The following NECAB1 variants were observed in gnomAD, a reference collection of about 807,000 sequenced individuals.
NECAB1 encodes the protein N-terminal EF-hand calcium-binding protein 1.
NECAB1 carries 29 observed loss-of-function variants against 57.5 expected under a neutral mutation model. That is an observed-to-expected ratio of 0.50 (90% confidence interval 0.38 to 0.69). The LOEUF is 0.69. NECAB1 is among the 30% of genes least tolerant of loss of function. The pLI, the probability that NECAB1 is intolerant of heterozygous loss-of-function variation, is 0.00. For missense variants in NECAB1, 372 were observed against 413.8 expected (o/e 0.90, Z 0.88); for synonymous variants, 142 against 147.7 (o/e 0.96, Z 0.28).
intron 9 of NECAB1, 182 bp from the exon 10 acceptor site, chr8:90,940,604 T>C (rs1320756624): frequency 1.9e-6 from 1 of 522,194 alleles, no homozygotes; most frequent in Admixed American, 3.1e-5. Flanking sequence ...GCAAGGAAAA[T>C]ATCTTGCCTA....
At position 90,925,545 on chromosome 8, in the gene NECAB1, G is replaced by C; in HGVS notation, c.505G>C (p.Ala169Pro). 10 of 1,612,612 alleles carry C rather than the reference G, an allele frequency of 6.2e-6. No homozygotes were observed. Among genetic ancestry groups the C allele is most frequent in the Non-Finnish European group, 8.5e-6 (10 of 1,179,370 alleles). The change falls in exon 7 of 13, where the codon GCC becomes CCC. Residue 169 changes from alanine (A) to proline (P), a missense_variant. Coordinates refer to ENST00000417640, the MANE Select transcript of NECAB1 (RefSeq NM_022351.5). ...EQTRQERQGP[A>P]KPEVLSIQWP... Reference sequence around the variant, plus strand: ...TCTCTGTTGATCAAGGCAAGGGCCAGCCAAGCCAGAAGTCCTGTCGATTCA... The same window carrying C: ...TCTCTGTTGATCAAGGCAAGGGCCACCCAAGCCAGAAGTCCTGTCGATTCA...
At chr8:90,886,977 T>C (rs1240936815) in intron 5 of NECAB1, among the ~76,000 whole-genome samples, 1 of 152,200 alleles carries the variant, frequency 6.6e-6, no homozygotes, top group Admixed American at 6.5e-5. Flanking sequence ...TATATTTTTG[T>C]TGTTTTATAA....
intron 6 of NECAB1, among the ~76,000 whole-genome samples, chr8:90,917,895 T>G (rs1173153098): frequency 7.8e-6 from 1 of 128,952 alleles, no homozygotes; most frequent in Non-Finnish European, 1.6e-5. Flanking sequence ...TGTATATATA[T>G]GTCTGTGTGT....
At chr8:90,924,951 AGT>A (rs2130162847) in intron 6 of NECAB1, among the ~76,000 whole-genome samples, 2 of 151,716 alleles carry the variant, frequency 1.3e-5, no homozygotes, top group East Asian at 3.9e-4. Context: ...TACTGTATAT[AGT>A]ATATAAGATA....
At chr8:90,874,829 T>C (rs1031174658) in intron 4 of NECAB1, among the ~76,000 whole-genome samples, 1 of 152,220 alleles carries the variant, frequency 6.6e-6, no homozygotes, top group African/African-American at 2.4e-5. Flanking sequence ...GAATGGTAGA[T>C]TCCCAAACAT....
intron 7 of NECAB1, among the ~76,000 whole-genome samples, chr8:90,925,892 A>G (rs1810254948): frequency 6.6e-6 from 1 of 152,190 alleles, no homozygotes; most frequent in Non-Finnish European, 1.5e-5. Context: ...AGAGATGGTG[A>G]ATAGGGAAGG....
At chr8:90,847,854 G>T (rs1812598476) in intron 3 of NECAB1, among the ~76,000 whole-genome samples, 1 of 152,182 alleles carries the variant, frequency 6.6e-6, no homozygotes, top group South Asian at 2.1e-4. Context: ...GGGCCTCTGG[G>T]TCCAGCCCAC....
At chr8:90,795,202 A>G (rs1811640188) in intron 1 of NECAB1, among the ~76,000 whole-genome samples, 1 of 152,238 alleles carries the variant, frequency 6.6e-6, no homozygotes, top group Non-Finnish European at 1.5e-5. Context: ...CTTTTGAGTC[A>G]TTACATTAAT....
intron 6 of NECAB1, among the ~76,000 whole-genome samples, chr8:90,917,940 G>C (rs1309658726): frequency 4.9e-5 from 2 of 40,764 alleles, no homozygotes; most frequent in Non-Finnish European, 7.1e-5. Flanking sequence ...ATGTGTATGT[G>C]TGTATATATA....
At chr8:90,838,013 C>A (rs540177077) in intron 3 of NECAB1, among the ~76,000 whole-genome samples, 1 of 152,040 alleles carries the variant, frequency 6.6e-6, no homozygotes, top group Non-Finnish European at 1.5e-5. Flanking sequence ...CTGGTTGGCT[C>A]ATAAAAATTC....
chr8:90,946,656 T>C (rs1810810248), intron 10 of NECAB1, among the ~76,000 whole-genome samples: 1 of 152,194 alleles, frequency 6.6e-6, no homozygotes. Flanking sequence ...TTCTGGCTCT[T>C]CACCAGATGG....
At position 90,791,996 on chromosome 8, in the gene NECAB1, A is replaced by T; in HGVS notation, c.99+11A>T. 1.3e-6 allele frequency: 2 copies of T among 1,549,562 alleles called. No homozygotes were observed. The highest frequency in any genetic ancestry group is 1.7e-6 in the Non-Finnish European group (2 of 1,145,278). On this transcript the variant is annotated intron_variant, in intron 1 of 12. Coordinates refer to ENST00000417640, the MANE Select transcript of NECAB1 (RefSeq NM_022351.5). The stretch of plus-strand genomic sequence containing the variant: ...TCGATCTTCCTCGACGTAAGTACAG[A>T]TGGTGGGAGCTGGGCGGTTGCTTCC...
chr8:90,810,041 A>T (rs543286855), intron 2 of NECAB1, among the ~76,000 whole-genome samples: 1 of 152,216 alleles, frequency 6.6e-6, no homozygotes, highest in Non-Finnish European at 1.5e-5. Flanking sequence ...AATCTGAGAC[A>T]TAGGGAACTC....
intron 6 of NECAB1, 129 bp from the exon 7 acceptor site, chr8:90,925,406 C>A: frequency 2.1e-6 from 2 of 948,522 alleles, no homozygotes; most frequent in African/African-American, 1.7e-5. Context: ...CATTTACAAG[C>A]AGTCATTCTC....
intron 4 of NECAB1, among the ~76,000 whole-genome samples, chr8:90,876,861 A>G (rs547105713): frequency 2.6e-4 from 39 of 152,332 alleles, no homozygotes; most frequent in African/African-American, 9.4e-4. Flanking sequence ...ACACATTTCC[A>G]TAAGTGCAAT....
intron 9 of NECAB1, among the ~76,000 whole-genome samples, chr8:90,936,964 A>C (rs1471915086): frequency 6.6e-6 from 1 of 152,182 alleles, no homozygotes; most frequent in Non-Finnish European, 1.5e-5. Flanking sequence ...ACTGAGAAAG[A>C]ATTAAGTAAC....
intron 5 of NECAB1, among the ~76,000 whole-genome samples, chr8:90,894,736 C>G (rs1374024693): frequency 2.6e-5 from 4 of 152,184 alleles, no homozygotes; most frequent in Non-Finnish European, 5.9e-5. Flanking sequence ...TTTCTTACAA[C>G]AACAACCAAA....
intron 3 of NECAB1, 169 bp downstream of exon 3, chr8:90,824,994 T>C (rs1412968063): frequency 2.7e-6 from 1 of 377,254 alleles, no homozygotes; most frequent in East Asian, 3.9e-5. Context: ...CTCTGAAAAA[T>C]TGACTTTGAA....
rs781568824 is a variant in NECAB1, at chr8:90,791,930, C to G, written c.44C>G (p.Ser15Trp). The change falls in exon 1 of 13, where the codon TCG (serine) becomes TGG (tryptophan). Residue 15 changes from serine to tryptophan, a missense_variant. Ser to Trp is a radical substitution (Grantham distance 177). Coordinates refer to ENST00000417640, the MANE Select transcript of NECAB1 (RefSeq NM_022351.5). The part of the protein sequence containing the change: ...QETSPSSNNS[S>W]EELSSALHLS... Reference sequence around the variant, plus strand: ...ACATCGCCGTCCTCCAACAACTCCTCGGAGGAGCTCAGCTCTGCTCTGCAC... The same window carrying G: ...ACATCGCCGTCCTCCAACAACTCCTGGGAGGAGCTCAGCTCTGCTCTGCAC... 5 of 1,552,604 alleles carry G rather than the reference C, an allele frequency of 3.2e-6. No individual in the cohort carries two copies. Among genetic ancestry groups the G allele is most frequent in the Non-Finnish European group, 4.4e-6 (5 of 1,147,564 alleles).
Sources: gnomAD v4.1 joint callset for allele counts (sites outside exome capture counted in the v4.1 genomes callset) on GRCh38, gnomAD v4.1.1 for gene constraint, MANE v1.5 for transcripts, NCBI Gene and HGNC (gene_info 2026-07-23, HGNC 2026-07-21) for gene names.